MAP1B: variants seen among roughly 807,000 people sequenced by gnomAD.
The protein encoded by MAP1B is microtubule associated protein 1B, also known as microtubule-associated protein 1B.
Under a neutral mutation model 176.1 loss-of-function variants are expected in MAP1B, and 12 were observed. The observed-to-expected ratio is 0.07, with a 90% CI of 0.04 to 0.11. The LOEUF is 0.11. MAP1B is among the 10% of genes least tolerant of loss of function. MAP1B has a pLI of 1.00. For missense variants in MAP1B, 2,523 were observed against 2,990.5 expected (o/e 0.84, Z 3.65); for synonymous variants, 1,044 against 1,135.0 (o/e 0.92, Z 1.61).
intron 2 of MAP1B, among the ~76,000 whole-genome samples, chr5:72,156,182 C>T (rs1161346194): frequency 6.6e-6 from 1 of 152,122 alleles, no homozygotes; most frequent in Non-Finnish European, 1.5e-5. Context: ...CACCCACCAC[C>T]ACACTTGCTA....
chr5:72,147,897 G>A (rs1746074006), intron 2 of MAP1B, among the ~76,000 whole-genome samples: 1 of 152,102 alleles, frequency 6.6e-6, no homozygotes, highest in African/African-American at 2.4e-5. Flanking sequence ...CCTTCTTACC[G>A]GATCCAAGTT....
rs1330443059 is a variant in MAP1B at position 72,148,079 on chromosome 5, CATTG to C, written c.286+32284_286+32287del. Among the ~76,000 whole-genome samples, 32 of 152,114 alleles carry C rather than the reference CATTG, an allele frequency of 2.1e-4. 1 individual carries two copies. The highest frequency in any genetic ancestry group is 1.6e-3 in the Admixed American group (25 of 15,264). On this transcript the variant is annotated intron_variant, in intron 2 of 6. Coordinates refer to ENST00000296755, the MANE Select transcript of MAP1B (RefSeq NM_005909.5). ...TACTCAGTTTATAGCCAATTATCTACATTGATTAAGTATAAATTTCATGATAGTT... is the reference window on the plus strand; with the variant it reads ...TACTCAGTTTATAGCCAATTATCTACATTAAGTATAAATTTCATGATAGTT...
At chr5:72,123,517 C>T (rs1745568666) in intron 2 of MAP1B, among the ~76,000 whole-genome samples, 2 of 151,808 alleles carry the variant, frequency 1.3e-5, no homozygotes, top group South Asian at 2.1e-4. Context: ...TGGAGTCTCA[C>T]TCTGTCGCCC....
intron 2 of MAP1B, among the ~76,000 whole-genome samples, chr5:72,180,088 C>T (rs895946289): frequency 8.5e-5 from 13 of 152,126 alleles, no homozygotes; most frequent in South Asian, 4.1e-4. Context: ...AGGCTGCTGT[C>T]GCCTGGACAT....
At chr5:72,127,838 A>C (rs1335681653) in intron 2 of MAP1B, among the ~76,000 whole-genome samples, 2 of 152,190 alleles carry the variant, frequency 1.3e-5, no homozygotes, top group Non-Finnish European at 2.9e-5. Context: ...TAATACAGTC[A>C]TTTCTTTTAC....
chr5:72,111,372 T>A (rs905167648), intron 1 of MAP1B, among the ~76,000 whole-genome samples: 3 of 152,214 alleles, frequency 2.0e-5, no homozygotes, highest in Non-Finnish European at 4.4e-5. Flanking sequence ...TCAGCAAGAT[T>A]TGTTGGTGAA....
At chr5:72,152,921 G>A (rs112331881) in intron 2 of MAP1B, among the ~76,000 whole-genome samples, 7,287 of 152,116 alleles carry the variant, frequency 0.048, 232 homozygotes, top group Non-Finnish European at 0.076. Context: ...TGGGCCTGCT[G>A]GAACAGGAAG....
At chr5:72,135,568 T>C (rs1033520613) in intron 2 of MAP1B, among the ~76,000 whole-genome samples, 4 of 152,198 alleles carry the variant, frequency 2.6e-5, no homozygotes, top group African/African-American at 9.6e-5. Flanking sequence ...TTTTGAATTT[T>C]CCCAAAGCAC....
Position 72,161,973 on chromosome 5 carries a change from AAAAG to A in MAP1B, c.287-21750_287-21747del, listed in dbSNP as rs869306105. Among the ~76,000 whole-genome samples the A allele has an allele frequency of 1.1e-3, 158 of 146,938 alleles. 4 individuals are homozygous for A. The highest frequency in any genetic ancestry group is 6.8e-3 in the Middle Eastern group (2 of 292). On this transcript the variant is annotated intron_variant, in intron 2 of 6. Transcript: ENST00000296755. ...TTCCGTCTCAAAAAAAAAAAAAAAAAAAAGAAAGAAAGAAAGAAAGAAAAGAAAA... is the reference window on the plus strand; with the variant it reads ...TTCCGTCTCAAAAAAAAAAAAAAAAAAAAGAAAGAAAGAAAGAAAAGAAAA...
At chr5:72,130,711 A>G (rs1180164451) in intron 2 of MAP1B, among the ~76,000 whole-genome samples, 5 of 152,166 alleles carry the variant, frequency 3.3e-5, no homozygotes, top group Admixed American at 3.3e-4. Context: ...GGGGCAGAAA[A>G]TCTGAGCTTT....
intron 2 of MAP1B, among the ~76,000 whole-genome samples, chr5:72,158,745 G>A (rs767468816): frequency 3.9e-5 from 6 of 152,212 alleles, no homozygotes; most frequent in Admixed American, 6.5e-5. Context: ...TCTAAGACTC[G>A]TATGTGGTGA....
At chr5:72,137,569 T>C (rs1485517656) in intron 2 of MAP1B, among the ~76,000 whole-genome samples, 2 of 152,240 alleles carry the variant, frequency 1.3e-5, no homozygotes, top group Non-Finnish European at 2.9e-5. Context: ...GGTTTGAAGA[T>C]GTCTGTTTGA....
intron 2 of MAP1B, among the ~76,000 whole-genome samples, chr5:72,176,568 T>A (rs1264798398): frequency 6.6e-6 from 1 of 152,200 alleles, no homozygotes; most frequent in Non-Finnish European, 1.5e-5. Flanking sequence ...TTGGCAACTC[T>A]AAGGCACTCT....
chr5:72,118,730 G>A (rs1003387157), intron 2 of MAP1B, among the ~76,000 whole-genome samples: 1 of 152,174 alleles, frequency 6.6e-6, no homozygotes, highest in African/African-American at 2.4e-5. Flanking sequence ...TTATAGGCAT[G>A]AGCCACCATG....
intron 2 of MAP1B, among the ~76,000 whole-genome samples, chr5:72,174,501 G>A (rs964960799): frequency 6.6e-6 from 1 of 152,154 alleles, no homozygotes. Context: ...CGAAATTGTC[G>A]CCAGGACTCC....
rs1747260891 is a variant in MAP1B, at chr5:72,199,142, T to C, written c.5787T>C (p.Thr1929=). The part of the protein sequence containing the change: ...SGYSYETIGK[T]TKTPEDGDYS... ...ACTCCTATGAGACCATTGGGAAAACTACCAAGACCCCTGAAGATGGTGACT... is the reference window on the plus strand; with the variant it reads ...ACTCCTATGAGACCATTGGGAAAACCACCAAGACCCCTGAAGATGGTGACT... Residue 1929 remains threonine, a synonymous_variant, in exon 5 of 7, where the codon ACT becomes ACC. Coordinates refer to ENST00000296755, the MANE Select transcript of MAP1B (RefSeq NM_005909.5). The surrounding 1 kb of genome is among the most constrained non-coding windows in gnomAD (Gnocchi z 4.2). 15 of 1,613,976 alleles carry C rather than the reference T, an allele frequency of 9.3e-6. No homozygotes were observed. The highest frequency in any genetic ancestry group is 1.3e-5 in the Non-Finnish European group (15 of 1,180,024).
chr5:72,194,666 T>A lies in MAP1B; in HGVS notation c.1311T>A (p.Phe437Leu). 6.2e-7 allele frequency: 1 copy of A among 1,614,196 alleles called. No individual in the cohort carries two copies. The highest frequency in any genetic ancestry group is 1.3e-5 in the African/African-American group (1 of 75,054). Residue 437 changes from phenylalanine (F) to leucine (L), a missense_variant, in exon 5 of 7, where the codon TTT (phenylalanine) becomes TTA (leucine). Physicochemically the swap from Phe to Leu is conservative, Grantham distance 22. Coordinates refer to ENST00000296755, the MANE Select transcript of MAP1B (RefSeq NM_005909.5). This position sits in a 1 kb window ranked among gnomAD's most constrained non-coding sequence, Gnocchi z 7.2. ...PVKSSKEMQY[F>L]MQQWTGTNKD... ...AGAGCAGCAAGGAAATGCAGTATTT[T>A]ATGCAGCAGTGGACTGGTACCAACA...
At chr5:72,115,250 C>G (rs998590187) in intron 1 of MAP1B, among the ~76,000 whole-genome samples, 14 of 152,204 alleles carry the variant, frequency 9.2e-5, no homozygotes, top group Non-Finnish European at 1.6e-4. Context: ...GCTTGAATGG[C>G]AGCCCCCGTG....
Position 72,134,030 on chromosome 5 carries a change from C to T in MAP1B, c.286+18231C>T, listed in dbSNP as rs571580937. On this transcript the variant is annotated intron_variant, in intron 2 of 6. Coordinates refer to ENST00000296755, the MANE Select transcript of MAP1B (RefSeq NM_005909.5). ...CCTCCAGCTTCCGCCAAAAGTGTCA[C>T]ATGCATTCTTATTGTCACTATGTGA... 3.9e-5 allele frequency among the ~76,000 whole-genome samples: 6 copies of T among 152,328 alleles called. No homozygotes were observed. In the East Asian group the frequency reaches 1.2e-3, roughly 29 times the overall value.
Sources: gnomAD v4.1 joint callset for allele counts (sites outside exome capture counted in the v4.1 genomes callset) on GRCh38, gnomAD v4.1.1 for gene constraint, Gnocchi (gnomAD v3.1) non-coding constraint, MANE v1.5 for transcripts, NCBI Gene and HGNC (gene_info 2026-07-23, HGNC 2026-07-21) for gene names.